CCDC63: variants seen among roughly 807,000 people sequenced by gnomAD.
CCDC63 encodes the protein coiled-coil domain-containing protein 63.
Under a neutral mutation model 63.6 loss-of-function variants are expected in CCDC63, and 54 were observed. The observed-to-expected ratio is 0.85, with a 90% CI of 0.68 to 1.07. CCDC63 has a LOEUF of 1.07. Ranked by LOEUF, CCDC63 falls within the 50% of genes least tolerant of loss-of-function variation. The pLI is 0.00. For missense variants in CCDC63, 637 were observed against 689.6 expected, an observed-to-expected ratio of 0.92 and a Z score of 0.86; for synonymous variants, 253 against 266.1, an observed-to-expected ratio of 0.95 and a Z score of 0.48.
intron 4 of CCDC63, among the ~76,000 whole-genome samples, chr12:110,861,091 C>A (rs1174691641): frequency 2.0e-5 from 3 of 152,048 alleles, no homozygotes; most frequent in African/African-American, 4.8e-5. Context: ...TTTAAACAAC[C>A]AGATCTCATG....
At chr12:110,879,556 G>C (rs900292493) in intron 5 of CCDC63, among the ~76,000 whole-genome samples, 3 of 152,162 alleles carry the variant, frequency 2.0e-5, no homozygotes, top group Non-Finnish European at 2.9e-5. Flanking sequence ...CAATTGTCCT[G>C]TAGAAAGTTC....
upstream of CCDC63, chr12:110,845,959 C>CAAAAAAA (rs34690976): frequency 2.0e-4 from 19 of 96,006 alleles, no homozygotes; most frequent in Admixed American, 2.4e-4. Flanking sequence ...AGTAGAAATA[C>CAAAAAAA]AAAAAAAAAA....
intron 3 of CCDC63, among the ~76,000 whole-genome samples, chr12:110,854,830 G>A (rs750509530): frequency 1.4e-4 from 21 of 152,100 alleles, no homozygotes; most frequent in Non-Finnish European, 2.9e-4. Context: ...ACAGGGTCTG[G>A]CTCTGTAACC....
intron 1 of CCDC63, among the ~76,000 whole-genome samples, chr12:110,849,396 C>G (rs1348124648): frequency 6.6e-6 from 1 of 151,968 alleles, no homozygotes; most frequent in Non-Finnish European, 1.5e-5. Context: ...GGTGATATTT[C>G]TCTTCATGGT....
chr12:110,892,357 C>T (rs921176734), intron 8 of CCDC63, among the ~76,000 whole-genome samples: 6 of 152,058 alleles, frequency 3.9e-5, no homozygotes, highest in Non-Finnish European at 8.8e-5. Context: ...GGAAGGATTG[C>T]TTGAGTGTAG....
Position 110,889,762 on chromosome 12 carries a change from A to G in CCDC63, c.1075-3314A>G, listed in dbSNP as rs868581232. On this transcript the variant is annotated intron_variant, in intron 8 of 11. Coordinates refer to ENST00000308208, the MANE Select transcript of CCDC63 (RefSeq NM_152591.3). This position sits in a 1 kb window ranked among gnomAD's most constrained non-coding sequence, Gnocchi z 4.1. ...ATTTGCAAAATAGTAAAAAGTCTCAATGTGAATCCCATCACCTGGATATGG... is the reference window on the plus strand; with the variant it reads ...ATTTGCAAAATAGTAAAAAGTCTCAGTGTGAATCCCATCACCTGGATATGG... Among the ~76,000 whole-genome samples the G allele has an allele frequency of 3.3e-5, 5 of 152,306 alleles. No individual in the cohort carries two copies. The highest frequency in any genetic ancestry group is 3.4e-3 in the Middle Eastern group (1 of 294).
Position 110,863,820 on chromosome 12 carries a change from C to T in CCDC63, c.369+5045C>T, listed in dbSNP as rs375831268. Among the ~76,000 whole-genome samples the T allele has an allele frequency of 1.8e-4, 28 of 152,314 alleles. No individual in the cohort carries two copies. In the East Asian group the frequency reaches 4.1e-3, roughly 22 times the overall value. On this transcript the variant is annotated intron_variant, in intron 4 of 11. Transcript: ENST00000308208. ...CCTCCTAAAGTGCAGGGATTACAGG[C>T]GTGAGCCACCATGTCCAACCTCCAG...
chr12:110,849,726 T>C (rs2070682693), intron 1 of CCDC63, among the ~76,000 whole-genome samples: 1 of 152,152 alleles, frequency 6.6e-6, no homozygotes, highest in Non-Finnish European at 1.5e-5. Flanking sequence ...CTCAGTCTCC[T>C]GACCCCAAGT....
At chr12:110,906,754 C>G (rs562052361) in intron 11 of CCDC63, among the ~76,000 whole-genome samples, 3 of 152,248 alleles carry the variant, frequency 2.0e-5, no homozygotes, top group South Asian at 4.1e-4. Flanking sequence ...TGCCACCCAT[C>G]TCAGCACAAC....
At chr12:110,900,306 A>C (rs1485391697) in intron 10 of CCDC63, among the ~76,000 whole-genome samples, 1 of 152,094 alleles carries the variant, frequency 6.6e-6, no homozygotes, top group Non-Finnish European at 1.5e-5. Context: ...TTTTCTCCTA[A>C]GATCAGGAAC....
intron 9 of CCDC63, among the ~76,000 whole-genome samples, chr12:110,896,368 C>T (rs535190804): frequency 6.6e-6 from 1 of 152,166 alleles, no homozygotes; most frequent in East Asian, 1.9e-4. Context: ...GGGAACTAAA[C>T]ATTCTAGTAG....
intron 4 of CCDC63, among the ~76,000 whole-genome samples, chr12:110,863,816 C>T (rs2070898522): frequency 6.6e-6 from 1 of 152,202 alleles, no homozygotes; most frequent in African/African-American, 2.4e-5. Flanking sequence ...GCAGGGATTA[C>T]AGGCGTGAGC....
chr12:110,876,094 A>C (rs2071125858), intron 5 of CCDC63, among the ~76,000 whole-genome samples: 1 of 144,252 alleles, frequency 6.9e-6, no homozygotes, highest in Non-Finnish European at 1.5e-5. Context: ...TGACAGAGTG[A>C]GAACCTGTCT....
chr12:110,887,756 G>A (rs1023968330), intron 8 of CCDC63, among the ~76,000 whole-genome samples: 1 of 151,522 alleles, frequency 6.6e-6, no homozygotes, highest in Non-Finnish European at 1.5e-5. Flanking sequence ...GCGCCACCAC[G>A]CCCAGCTAAT....
At chr12:110,866,232 C>T (rs1041879233) in intron 4 of CCDC63, among the ~76,000 whole-genome samples, 6 of 151,960 alleles carry the variant, frequency 3.9e-5, no homozygotes, top group Middle Eastern at 3.4e-3. Flanking sequence ...CCTGCCTCGG[C>T]CTCCCAAAGT....
intron 4 of CCDC63, among the ~76,000 whole-genome samples, chr12:110,870,528 G>T (rs1030264869): frequency 1.3e-5 from 2 of 152,202 alleles, no homozygotes; most frequent in African/African-American, 4.8e-5. Context: ...TGTTTCATCT[G>T]CTTTAAAAGA....
At chr12:110,900,737 T>C (rs1022549876) in intron 10 of CCDC63, among the ~76,000 whole-genome samples, 1 of 152,064 alleles carries the variant, frequency 6.6e-6, no homozygotes, top group Non-Finnish European at 1.5e-5. Flanking sequence ...GTAGCTGGGA[T>C]TATAGGCACA....
chr12:110,869,811 G>T (rs1011743816), intron 4 of CCDC63, among the ~76,000 whole-genome samples: 1 of 152,174 alleles, frequency 6.6e-6, no homozygotes, highest in African/African-American at 2.4e-5. Context: ...GAGTAAAGTG[G>T]ATGGTGTGTC....
chr12:110,867,499 G>C (rs1261913252), intron 4 of CCDC63, among the ~76,000 whole-genome samples: 36 of 44,528 alleles, frequency 8.1e-4, no homozygotes, highest in East Asian at 2.1e-3. Flanking sequence ...CCTCACCTCC[G>C]GGATGGGGCG....
Sources: allele counts gnomAD v4.1 joint callset (sites outside exome capture counted in the v4.1 genomes callset), GRCh38; gene constraint gnomAD v4.1.1; non-coding constraint Gnocchi (gnomAD v3.1); transcripts MANE v1.5; gene names NCBI Gene and HGNC (gene_info 2026-07-23, HGNC 2026-07-21).